The following TMEM200A variants were observed in gnomAD, a reference collection of about 807,000 sequenced individuals.
TMEM200A encodes transmembrane protein 200A.
Under a neutral mutation model 24.3 loss-of-function variants are expected in TMEM200A, and 12 were observed. The observed-to-expected ratio is 0.49, with a 90% confidence interval of 0.32 to 0.80. TMEM200A has a LOEUF of 0.80. TMEM200A is among the 30% of genes least tolerant of loss of function. The pLI is 0.04. For missense variants in TMEM200A, 545 were observed against 614.4 expected (o/e 0.89, Z 1.19); for synonymous variants, 224 against 224.4 (o/e 1.00, Z 0.02).
At chr6:130,370,281 G>A (rs939271579) in intron 1 of TMEM200A, among the ~76,000 whole-genome samples, 3 of 152,010 alleles carry the variant, frequency 2.0e-5, no homozygotes, top group African/African-American at 4.8e-5. Context: ...CTCCTTGAAG[G>A]GCTCTGATTG....
chr6:130,401,911 T>G (rs189434816), intron 2 of TMEM200A, among the ~76,000 whole-genome samples: 2 of 152,032 alleles, frequency 1.3e-5, no homozygotes, highest in African/African-American at 4.8e-5. Context: ...TTTTTCCATT[T>G]TTCTTAAACC....
chr6:130,399,456 C>T (rs1274764769), intron 2 of TMEM200A, among the ~76,000 whole-genome samples: 2 of 151,836 alleles, frequency 1.3e-5, no homozygotes, highest in South Asian at 2.1e-4. Context: ...TTATTCATGG[C>T]GTTTTCCTCA....
intron 2 of TMEM200A, among the ~76,000 whole-genome samples, chr6:130,434,285 G>A (rs1779947884): frequency 6.6e-6 from 1 of 152,164 alleles, no homozygotes; most frequent in Non-Finnish European, 1.5e-5. Flanking sequence ...ACACTGGACT[G>A]GGAGTCTGAA....
At chr6:130,391,509 T>G in intron 2 of TMEM200A, among the ~76,000 whole-genome samples, 1 of 151,528 alleles carries the variant, frequency 6.6e-6, no homozygotes, top group East Asian at 1.9e-4. Flanking sequence ...TCTCTCTCTC[T>G]CCCGCTCTCT....
chr6:130,386,744 A>G (rs900595456), intron 2 of TMEM200A, among the ~76,000 whole-genome samples: 20 of 152,380 alleles, frequency 1.3e-4, no homozygotes, highest in Admixed American at 3.9e-4. Context: ...AAGAAATTGT[A>G]AGAATGTCGT....
At chr6:130,389,140 A>G (rs941991753) in intron 2 of TMEM200A, among the ~76,000 whole-genome samples, 1 of 152,228 alleles carries the variant, frequency 6.6e-6, no homozygotes, top group Non-Finnish European at 1.5e-5. Context: ...AGATTTGGAT[A>G]GACTAGAAGA....
rs572629335 is a variant in TMEM200A at position 130,426,036 on chromosome 6, C to T, written c.-16-14371C>T. Among the ~76,000 whole-genome samples, 11 of 152,198 alleles carry T rather than the reference C, an allele frequency of 7.2e-5. No individual in the cohort carries two copies. In the East Asian group the frequency reaches 1.2e-3, roughly 16 times the overall value. On this transcript the variant is annotated intron_variant, in intron 2 of 2. Coordinates refer to ENST00000296978, the MANE Select transcript of TMEM200A (RefSeq NM_001258277.2). ...TGATGAAAAAAAATCAAGAAAACTG[C>T]GGTTGAAGTAACTTGAATGTAGGGG...
At position 130,441,298 on chromosome 6, in the gene TMEM200A, G is replaced by A. The variant is rs1306203145; in HGVS notation, c.876G>A (p.Val292=). The A allele has an allele frequency of 6.2e-7, 1 of 1,613,954 alleles. No individual in the cohort carries two copies. The highest frequency in any genetic ancestry group is 1.1e-5 in the South Asian group (1 of 91,084). Residue 292 remains valine (V), a synonymous_variant, in exon 3 of 3, where the codon GTG becomes GTA. Coordinates refer to ENST00000296978, the MANE Select transcript of TMEM200A (RefSeq NM_001258277.2). ...CCATCAGTGCTTTTACATTGCCTGT[G>A]ATCAAACTTAATAACTGTGTTATTG... ...SSSISAFTLP[V]IKLNNCVIDE...
In TMEM200A at chr6:130,427,057, G is replaced by T. The variant is rs192577764; in HGVS notation, c.-16-13350G>T. Among the ~76,000 whole-genome samples, 207 of 152,070 alleles carry T rather than the reference G, an allele frequency of 1.4e-3. 1 individual carries two copies. Among genetic ancestry groups the T allele is most frequent in the Middle Eastern group, 0.01 (3 of 294 alleles). ...TGCTCCAATCCTGCATTTTTGCCTCGAAGGCTACACTCCACCTGCTTTAAA... is the reference window on the plus strand; with the variant it reads ...TGCTCCAATCCTGCATTTTTGCCTCTAAGGCTACACTCCACCTGCTTTAAA... On this transcript the variant is annotated intron_variant, in intron 2 of 2. Transcript: ENST00000296978.
intron 2 of TMEM200A, among the ~76,000 whole-genome samples, chr6:130,429,450 T>C (rs916100195): frequency 1.3e-5 from 2 of 152,094 alleles, no homozygotes; most frequent in Non-Finnish European, 2.9e-5. Flanking sequence ...GAATGACAAC[T>C]CTTAATATTG....
chr6:130,391,326 CT>C lies in TMEM200A; in HGVS notation c.-17+6091del, dbSNP rs554797347. Among the ~76,000 whole-genome samples, 878 of 152,292 alleles carry C rather than the reference CT, an allele frequency of 5.8e-3. 6 individuals carry two copies. The highest frequency in any genetic ancestry group is 0.02 in the African/African-American group (831 of 41,546). On this transcript the variant is annotated intron_variant, in intron 2 of 2. Coordinates refer to ENST00000296978, the MANE Select transcript of TMEM200A (RefSeq NM_001258277.2). ...CAAAAAGACAAGGACTCACCATAAC[CT>C]CAGGTTTCTTTCCTGAAACCATTAA...
chr6:130,418,599 G>A (rs1310812288), intron 2 of TMEM200A, among the ~76,000 whole-genome samples: 2 of 152,050 alleles, frequency 1.3e-5, no homozygotes, highest in Non-Finnish European at 2.9e-5. Context: ...TGCTATTAAG[G>A]GTGGAGTTGA....
intron 2 of TMEM200A, chr6:130,438,989 C>CA (rs34939148): frequency 0.11 from 16,586 of 152,042 alleles, 1,100 homozygotes; most frequent in Admixed American, 0.16. Context: ...ACATTGTTAA[C>CA]AAAATCTCAG....
chr6:130,414,077 A>T (rs768106198), intron 2 of TMEM200A, among the ~76,000 whole-genome samples: 6 of 152,148 alleles, frequency 3.9e-5, no homozygotes, highest in Non-Finnish European at 7.4e-5. Flanking sequence ...AAAACAACAA[A>T]ACCTGCTTCT....
intron 1 of TMEM200A, among the ~76,000 whole-genome samples, chr6:130,375,658 C>A (rs1778438865): frequency 6.6e-6 from 1 of 152,172 alleles, no homozygotes. Context: ...GGCATTTAAG[C>A]TACAACCTGC....
chr6:130,371,952 C>A lies in TMEM200A; in HGVS notation c.-81+5428C>A, dbSNP rs114921801. Among the ~76,000 whole-genome samples, 768 of 152,304 alleles carry A rather than the reference C, an allele frequency of 5.0e-3. 5 individuals carry two copies. The highest frequency in any genetic ancestry group is 0.017 in the African/African-American group (724 of 41,566). The stretch of plus-strand genomic sequence containing the variant: ...GAGCTAACGTTTGTAAGGCCATGCG[C>A]CTTAGATACGTAAGCTCACTAAATC... On this transcript the variant is annotated intron_variant, in intron 1 of 2. Transcript: ENST00000296978.
chr6:130,392,490 C>T (rs955082746), intron 2 of TMEM200A, among the ~76,000 whole-genome samples: 4 of 152,156 alleles, frequency 2.6e-5, no homozygotes, highest in African/African-American at 9.7e-5. Flanking sequence ...CTTTTTTACC[C>T]AAATCATTAC....
intron 2 of TMEM200A, among the ~76,000 whole-genome samples, chr6:130,423,096 G>C (rs1779642062): frequency 6.6e-6 from 1 of 152,146 alleles, no homozygotes; most frequent in Admixed American, 6.5e-5. Context: ...CCTTCTATCT[G>C]GGGTAATACT....
intron 2 of TMEM200A, among the ~76,000 whole-genome samples, chr6:130,402,600 A>G (rs1397661592): frequency 6.6e-6 from 1 of 151,968 alleles, no homozygotes; most frequent in Non-Finnish European, 1.5e-5. Flanking sequence ...TTCAGCATAT[A>G]TCATAGCCAA....
Sources: gnomAD v4.1 joint callset for allele counts (sites outside exome capture counted in the v4.1 genomes callset) on GRCh38, gnomAD v4.1.1 for gene constraint, MANE v1.5 for transcripts, NCBI Gene and HGNC (gene_info 2026-07-23, HGNC 2026-07-21) for gene names.